The following VTI1A variants were observed in gnomAD, a reference collection of about 807,000 sequenced individuals.
The protein encoded by VTI1A is vesicle transport through interaction with t-SNAREs homolog 1A.
A neutral mutation model predicts 34.9 loss-of-function variants in VTI1A; 22 were observed. The observed-to-expected ratio is 0.63, with a 90% CI of 0.45 to 0.90. The LOEUF is 0.90. VTI1A is among the 40% of genes least tolerant of loss of function. The pLI is 0.00. For missense variants in VTI1A, 268 were observed against 275.6 expected, an observed-to-expected ratio of 0.97 and a Z score of 0.20; for synonymous variants, 87 against 97.3, an observed-to-expected ratio of 0.89 and a Z score of 0.62.
chr10:112,785,094 C>T (rs1426007301), intron 7 of VTI1A, among the ~76,000 whole-genome samples: 2 of 152,198 alleles, frequency 1.3e-5, no homozygotes, highest in African/African-American at 2.4e-5. Context: ...AGAAAAAGAC[C>T]TCCATGCCCC....
intron 7 of VTI1A, among the ~76,000 whole-genome samples, chr10:112,797,178 T>G (rs1394258808): frequency 2.0e-5 from 3 of 152,192 alleles, no homozygotes; most frequent in Non-Finnish European, 4.4e-5. Flanking sequence ...ACAGAAAGAT[T>G]CTCATTATTT....
At chr10:112,490,109 A>C (rs1162830959) in intron 3 of VTI1A, among the ~76,000 whole-genome samples, 1 of 152,128 alleles carries the variant, frequency 6.6e-6, no homozygotes, top group East Asian at 1.9e-4. Context: ...GTTAGACCTT[A>C]TTTCTTTTTA....
intron 5 of VTI1A, among the ~76,000 whole-genome samples, chr10:112,557,801 T>C (rs1178655032): frequency 6.6e-6 from 1 of 152,208 alleles, no homozygotes; most frequent in Non-Finnish European, 1.5e-5. Flanking sequence ...GCCCACTGTG[T>C]ATTTTACTCT....
chr10:112,590,111 T>G (rs982277135), intron 5 of VTI1A, among the ~76,000 whole-genome samples: 4 of 152,176 alleles, frequency 2.6e-5, no homozygotes, highest in Admixed American at 2.0e-4. Flanking sequence ...TCTACCCAGA[T>G]GTTTTTACCC....
At chr10:112,618,504 T>TAG (rs1222432434) in intron 5 of VTI1A, among the ~76,000 whole-genome samples, 10 of 38,856 alleles carry the variant, frequency 2.6e-4, no homozygotes, top group Admixed American at 8.6e-4. Context: ...TATATATATA[T>TAG]ATATATATAT....
At chr10:112,837,336 T>A in the VTI1A span, among the ~76,000 whole-genome samples, 648 of 151,958 alleles carry the variant, frequency 4.3e-3, 6 homozygotes, top group African/African-American at 0.015. Flanking sequence ...CAAAAAAAAA[T>A]CCTGGGAGGG....
intron 4 of VTI1A, among the ~76,000 whole-genome samples, chr10:112,536,227 A>G (rs1350159282): frequency 1.4e-5 from 2 of 140,036 alleles, no homozygotes; most frequent in African/African-American, 4.9e-5. Context: ...AAATGAACCA[A>G]AGATATTTGT....
intron 3 of VTI1A, among the ~76,000 whole-genome samples, chr10:112,505,351 G>T (rs150263946): frequency 6.6e-6 from 1 of 152,008 alleles, no homozygotes; most frequent in Non-Finnish European, 1.5e-5. Context: ...GCATGCTACC[G>T]TATTAAATTC....
chr10:112,552,935 G>A (rs912677225), intron 5 of VTI1A, among the ~76,000 whole-genome samples: 1 of 152,140 alleles, frequency 6.6e-6, no homozygotes, highest in South Asian at 2.1e-4. Context: ...ATTAAACACT[G>A]TAAGATTATC....
chr10:112,721,249 A>G (rs924222431), intron 7 of VTI1A, among the ~76,000 whole-genome samples: 1 of 152,190 alleles, frequency 6.6e-6, no homozygotes, highest in Non-Finnish European at 1.5e-5. Context: ...CCAACTTCTC[A>G]TGGTCACTGA....
At chr10:112,810,120 C>T (rs1201714213) in intron 7 of VTI1A, among the ~76,000 whole-genome samples, 2 of 151,798 alleles carry the variant, frequency 1.3e-5, no homozygotes, top group African/African-American at 4.8e-5. Flanking sequence ...TGTTCACTGT[C>T]GGCCTGGCAT....
the VTI1A span, among the ~76,000 whole-genome samples, chr10:112,853,866 G>T: frequency 9.9e-5 from 15 of 152,148 alleles, no homozygotes; most frequent in African/African-American, 3.1e-4. Context: ...CTCTCCATCA[G>T]ACTGCCACTG....
chr10:112,610,035 A>G (rs1425936613), intron 5 of VTI1A, among the ~76,000 whole-genome samples: 1 of 152,210 alleles, frequency 6.6e-6, no homozygotes, highest in Non-Finnish European at 1.5e-5. Flanking sequence ...TGTGGTAAAC[A>G]CATAGGAAAA....
chr10:112,588,312 T>C (rs1844242517), intron 5 of VTI1A, among the ~76,000 whole-genome samples: 1 of 152,164 alleles, frequency 6.6e-6, no homozygotes, highest in African/African-American at 2.4e-5. Context: ...AGTTTTTTTT[T>C]CTCTTGAAAC....
intron 5 of VTI1A, among the ~76,000 whole-genome samples, chr10:112,666,522 C>T (rs952483873): frequency 2.6e-5 from 4 of 152,138 alleles, no homozygotes; most frequent in Admixed American, 6.6e-5. Flanking sequence ...TGATTCCTGG[C>T]CATATCCCTG....
chr10:112,832,727 T>C, the VTI1A span, among the ~76,000 whole-genome samples: 1 of 152,196 alleles, frequency 6.6e-6, no homozygotes, highest in Non-Finnish European at 1.5e-5. Context: ...GAGCGGAGCC[T>C]GAAATGACTC....
At chr10:112,740,483 C>A (rs910173394) in intron 7 of VTI1A, among the ~76,000 whole-genome samples, 1 of 152,240 alleles carries the variant, frequency 6.6e-6, no homozygotes, top group Non-Finnish European at 1.5e-5. Flanking sequence ...AGGGGTTTCA[C>A]CATCTTGGCC....
intron 7 of VTI1A, among the ~76,000 whole-genome samples, chr10:112,782,864 C>G (rs929070483): frequency 2.0e-5 from 3 of 152,312 alleles, no homozygotes; most frequent in South Asian, 2.1e-4. Flanking sequence ...CTGAAGGTCC[C>G]TTCCCCTTCT....
chr10:112,582,629 G>A (rs1843993651), intron 5 of VTI1A, among the ~76,000 whole-genome samples: 2 of 152,082 alleles, frequency 1.3e-5, no homozygotes, highest in South Asian at 4.1e-4. Flanking sequence ...TGGTAGAGAG[G>A]AAACTCCAAA....
Sources: allele counts gnomAD v4.1 joint callset (sites outside exome capture counted in the v4.1 genomes callset), GRCh38; gene constraint gnomAD v4.1.1; transcripts MANE v1.5; gene names NCBI Gene and HGNC (gene_info 2026-07-23, HGNC 2026-07-21).